CNTN4: variants seen among roughly 807,000 people sequenced by gnomAD.
CNTN4 encodes the protein contactin-4.
CNTN4 carries 77 observed loss-of-function variants against 122.5 expected under a neutral mutation model. The ratio of observed to expected loss-of-function variants is 0.63; its 90% CI spans 0.52 to 0.76. CNTN4 has a LOEUF of 0.76. Among genes scored for constraint, CNTN4 ranks in the 30% least tolerant of loss-of-function variants. The pLI is 0.00. For synonymous variants in CNTN4, 512 were observed against 447.0 expected (o/e 1.15, Z -1.83); for missense variants, 1,256 against 1,259.1 (o/e 1.00, Z 0.04).
chr3:2,199,341 C>T (rs1288579557), intron 2 of CNTN4, among the ~76,000 whole-genome samples: 2 of 151,122 alleles, frequency 1.3e-5, no homozygotes, highest in African/African-American at 4.9e-5. Flanking sequence ...GTGTGTGTCT[C>T]TGTGTGTGTG....
At chr3:2,926,703 T>C (rs111857044) in intron 13 of CNTN4, among the ~76,000 whole-genome samples, 40 of 152,330 alleles carry the variant, frequency 2.6e-4, no homozygotes, top group Non-Finnish European at 5.4e-4. Context: ...GATTTGCATA[T>C]ACATATTAGA....
At chr3:2,713,920 C>G (rs1355889007) in intron 4 of CNTN4, among the ~76,000 whole-genome samples, 2 of 152,208 alleles carry the variant, frequency 1.3e-5, no homozygotes, top group African/African-American at 4.8e-5. Flanking sequence ...TCCGTAAAAT[C>G]CAGATGATGA....
At chr3:2,895,763 A>G (rs150515080) in intron 10 of CNTN4, among the ~76,000 whole-genome samples, 6,450 of 152,276 alleles carry the variant, frequency 0.042, 190 homozygotes, top group African/African-American at 0.085. Context: ...GGCTGGGCGC[A>G]GTGGCTCACG....
chr3:2,126,510 T>C (rs568856414), intron 2 of CNTN4, among the ~76,000 whole-genome samples: 2 of 152,352 alleles, frequency 1.3e-5, no homozygotes, highest in East Asian at 3.9e-4. Context: ...TTAATAATTT[T>C]TGTGTCCTGT....
At chr3:2,789,503 G>A (rs553047195) in intron 6 of CNTN4, among the ~76,000 whole-genome samples, 1 of 152,324 alleles carries the variant, frequency 6.6e-6, no homozygotes, top group South Asian at 2.1e-4. Flanking sequence ...CGTGATATCA[G>A]CTCACTGCAA....
chr3:2,362,386 C>T (rs1001935912), intron 3 of CNTN4: 9 of 333,090 alleles, frequency 2.7e-5, no homozygotes, highest in East Asian at 8.8e-5. Context: ...CAAGGCCCAG[C>T]GGGCAATTCC....
rs2093792307 is a variant in CNTN4 at position 2,872,126 on chromosome 3, AG to A, written c.652+5178del. ...CTGCTCTGTTATATGCTTCCTGCAC[AG>A]ATCTCAAAGAGTTATCCCTAAATTT... is the stretch of plus-strand genomic sequence containing the variant. On this transcript the variant is annotated intron_variant, in intron 8 of 24. Coordinates refer to ENST00000418658, the MANE Select transcript of CNTN4 (RefSeq NM_175607.3). 4.6e-4 allele frequency among the ~76,000 whole-genome samples: 11 copies of A among 23,670 alleles called. No individual in the cohort carries two copies. In the South Asian group the frequency reaches 9.2e-3, roughly 20 times the overall value. The allele number at this position is 23,670 out of a possible 152,430, so 15.5% of individuals were successfully genotyped here.
intron 3 of CNTN4, among the ~76,000 whole-genome samples, chr3:2,518,446 C>G (rs376389710): frequency 2.0e-5 from 3 of 152,090 alleles, no homozygotes; most frequent in African/African-American, 7.2e-5. Flanking sequence ...TGACAGTCTT[C>G]GGTCGCAAAA....
intron 2 of CNTN4, among the ~76,000 whole-genome samples, chr3:2,254,106 T>A (rs974761280): frequency 8.7e-5 from 13 of 149,912 alleles, no homozygotes; most frequent in Admixed American, 3.3e-4. Context: ...GTTCTTATAG[T>A]TCAACTCCCA....
chr3:2,287,717 A>G (rs112060114), intron 2 of CNTN4, among the ~76,000 whole-genome samples: 3,502 of 64,212 alleles, frequency 0.055, 66 homozygotes, highest in African/African-American at 0.07. Context: ...AAGAGGAAGA[A>G]GAAGAAGAAG....
intron 2 of CNTN4, among the ~76,000 whole-genome samples, chr3:2,225,215 G>C (rs769721591): frequency 2.0e-5 from 3 of 149,706 alleles, no homozygotes; most frequent in Non-Finnish European, 4.4e-5. Context: ...CAGTGCAATT[G>C]CTTTAAAACC....
intron 14 of CNTN4, among the ~76,000 whole-genome samples, chr3:3,005,046 C>T (rs1314776696): frequency 6.6e-6 from 1 of 152,264 alleles, no homozygotes; most frequent in Non-Finnish European, 1.5e-5. Flanking sequence ...CACACATTCA[C>T]TGCCAAATAG....
At chr3:2,479,074 T>G (rs1008163642) in intron 3 of CNTN4, among the ~76,000 whole-genome samples, 1 of 152,174 alleles carries the variant, frequency 6.6e-6, no homozygotes, top group African/African-American at 2.4e-5. Context: ...GCTCATTCTT[T>G]CCATCTTTCT....
intron 4 of CNTN4, among the ~76,000 whole-genome samples, chr3:2,651,084 A>G (rs2083336762): frequency 6.6e-6 from 1 of 152,226 alleles, no homozygotes. Flanking sequence ...GAACAAGTTT[A>G]TATGTCAAAA....
At chr3:2,747,181 G>A (rs1388831483) in intron 6 of CNTN4, among the ~76,000 whole-genome samples, 3 of 151,936 alleles carry the variant, frequency 2.0e-5, no homozygotes, top group Admixed American at 6.6e-5. Flanking sequence ...AGGCCGAGGC[G>A]GGCGGATCAC....
chr3:2,602,224 G>T (rs1436552542), intron 4 of CNTN4, among the ~76,000 whole-genome samples: 2 of 152,036 alleles, frequency 1.3e-5, no homozygotes, highest in Admixed American at 6.6e-5. Context: ...TTCAACATAG[G>T]GTTGAAAGTT....
intron 2 of CNTN4, among the ~76,000 whole-genome samples, chr3:2,105,018 T>G (rs1194919177): frequency 2.6e-5 from 4 of 152,210 alleles, no homozygotes; most frequent in African/African-American, 4.8e-5. Flanking sequence ...GCATTGACTT[T>G]TCCTGTCCAC....
intron 2 of CNTN4, among the ~76,000 whole-genome samples, chr3:2,155,016 A>G (rs938628922): frequency 3.3e-5 from 5 of 152,220 alleles, no homozygotes; most frequent in African/African-American, 1.2e-4. Context: ...TCTCCTTCAG[A>G]TACCTTTTCA....
chr3:2,914,601 G>C (rs796454353), intron 12 of CNTN4, among the ~76,000 whole-genome samples: 30 of 152,342 alleles, frequency 2.0e-4, no homozygotes, highest in African/African-American at 6.7e-4. Flanking sequence ...GAATAGAAAT[G>C]TGAATAGACT....
Sources: gnomAD v4.1 joint callset for allele counts (sites outside exome capture counted in the v4.1 genomes callset) on GRCh38, gnomAD v4.1.1 for gene constraint, MANE v1.5 for transcripts, NCBI Gene and HGNC (gene_info 2026-07-23, HGNC 2026-07-21) for gene names.